Variants in RAF1 observed in about 807,000 individuals in gnomAD.
RAF1 encodes the protein RAF proto-oncogene serine/threonine-protein kinase.
In RAF1, 27 loss-of-function variants were observed where a neutral mutation model predicts 81.1. The ratio of observed to expected loss-of-function variants is 0.33; its 90% confidence interval spans 0.25 to 0.46. The LOEUF (loss-of-function observed/expected upper bound fraction) is 0.46. Ranked by LOEUF, RAF1 falls within the 20% of genes least tolerant of loss-of-function variation. The pLI is 1.00. For synonymous variants in RAF1, 298 were observed against 294.0 expected (o/e 1.01, Z -0.14); for missense variants, 598 against 826.0 (o/e 0.72, Z 3.38).
chr3:12,646,468 G>T (rs1264825346), intron 1 of RAF1, among the ~76,000 whole-genome samples: 1 of 152,098 alleles, frequency 6.6e-6, no homozygotes, highest in African/African-American at 2.4e-5. Context: ...TCTGCCTCCA[G>T]GTTCAAGTAA....
Position 12,585,104 on chromosome 3 carries a change from G to A in RAF1, c.1728+18C>T, listed in dbSNP as rs755924543. The A allele has an allele frequency of 9.9e-6, 16 of 1,614,048 alleles. No individual in the cohort carries two copies. Among genetic ancestry groups the A allele is most frequent in the East Asian group, 2.2e-5 (1 of 44,888 alleles). ...GGGCTCCCACGAGTTGGGTCCTTTC[G>A]CACCAGCACAGACTTACCTGATCTC... On this transcript the variant is annotated intron_variant, in intron 16 of 17. Coordinates refer to ENST00000442415, the MANE Select transcript of RAF1 (RefSeq NM_001354689.3).
chr3:12,587,844 T>A, intron 13 of RAF1: 2 of 452,872 alleles, frequency 4.4e-6, no homozygotes, highest in Non-Finnish European at 3.9e-6. Context: ...CACCTTTTTT[T>A]TTTTTTTTTT....
At chr3:12,634,822 G>A (rs1038993592) in intron 1 of RAF1, among the ~76,000 whole-genome samples, 1 of 152,104 alleles carries the variant, frequency 6.6e-6, no homozygotes, top group African/African-American at 2.4e-5. Context: ...GAGGTGAATG[G>A]TAAAACCTGT....
At chr3:12,605,735 ATATT>A (rs1445343314) in intron 6 of RAF1, among the ~76,000 whole-genome samples, 5 of 152,234 alleles carry the variant, frequency 3.3e-5, no homozygotes, top group Admixed American at 6.5e-5. Context: ...ATGAGAAACA[ATATT>A]TATGCTGAAA....
chr3:12,628,594 C>A (rs1328371156), intron 1 of RAF1, among the ~76,000 whole-genome samples: 1 of 152,032 alleles, frequency 6.6e-6, no homozygotes, highest in African/African-American at 2.4e-5. Context: ...AGAAAAAAAT[C>A]TCAGTATATT....
chr3:12,631,511 A>G (rs985425240), intron 1 of RAF1, among the ~76,000 whole-genome samples: 5 of 152,196 alleles, frequency 3.3e-5, no homozygotes, highest in Non-Finnish European at 7.3e-5. Flanking sequence ...AAGCAGGAGA[A>G]TGGCATGAAC....
At chr3:12,592,731 C>CTTTTTTT (rs35189562) in intron 11 of RAF1, among the ~76,000 whole-genome samples, 13 of 107,224 alleles carry the variant, frequency 1.2e-4, no homozygotes, top group African/African-American at 2.6e-4. Context: ...TTAAAAGCCA[C>CTTTTTTT]TTTTTTTTTT....
intron 1 of RAF1, among the ~76,000 whole-genome samples, chr3:12,620,792 G>A (rs1053726521): frequency 1.3e-5 from 2 of 152,072 alleles, no homozygotes; most frequent in Admixed American, 6.6e-5. Flanking sequence ...TTTGGACACA[G>A]AAGTCATGCT....
At chr3:12,589,464 C>G (rs1334857905) in intron 13 of RAF1, 1 of 152,186 alleles carries the variant, frequency 6.6e-6, no homozygotes, top group East Asian at 1.9e-4. Flanking sequence ...TCCCAGATGT[C>G]TAGGGGTACG....
At chr3:12,658,108 T>C (rs900458114) in intron 1 of RAF1, among the ~76,000 whole-genome samples, 1 of 152,186 alleles carries the variant, frequency 6.6e-6, no homozygotes, top group Non-Finnish European at 1.5e-5. Context: ...TTCCATCACA[T>C]AGTAGTGCTT....
In RAF1 at chr3:12,618,660, A is replaced by G. The variant is rs1306287046; in HGVS notation, c.62T>C (p.Val21Ala). 6.2e-7 allele frequency: 1 copy of G among 1,614,218 alleles called. No individual in the cohort carries two copies. The highest frequency in any genetic ancestry group is 8.5e-7 in the Non-Finnish European group (1 of 1,180,046). ...AGAGATGCAGCTGGAGCCATCAAAC[A>G]CGGCATCTTTGAATCCAAAACCATT... The change falls in exon 2 of 18, where the codon GTG (valine) becomes GCG (alanine). Residue 21 changes from valine to alanine, a missense_variant. Val to Ala is a moderately conservative substitution (Grantham distance 64, BLOSUM62 0). This residue lies in a region of RAF1 where 83 missense variants were observed against 72.3 expected (regional missense o/e 1.15). Coordinates refer to ENST00000442415, the MANE Select transcript of RAF1 (RefSeq NM_001354689.3).
chr3:12,612,648 T>TG (rs1454335764), intron 2 of RAF1, among the ~76,000 whole-genome samples: 4 of 92,984 alleles, frequency 4.3e-5, no homozygotes, highest in African/African-American at 5.6e-5. Flanking sequence ...AGACTCCGTC[T>TG]CAAAAAAAAA....
intron 1 of RAF1, among the ~76,000 whole-genome samples, chr3:12,649,765 C>T (rs766732966): frequency 2.0e-5 from 3 of 152,048 alleles, no homozygotes; most frequent in African/African-American, 7.2e-5. Context: ...TTTGGGAGGC[C>T]GAGGTGGGAG....
chr3:12,614,438 T>TA (rs2059311487), intron 2 of RAF1, among the ~76,000 whole-genome samples: 1 of 152,100 alleles, frequency 6.6e-6, no homozygotes, highest in Admixed American at 6.5e-5. Flanking sequence ...GTAAAATCTA[T>TA]ATTATATATA....
rs1447597077 is a variant in RAF1 at position 12,588,610 on chromosome 3, C to A, written c.1431-973G>T. 4 of 152,130 alleles carry A rather than the reference C, an allele frequency of 2.6e-5. No individual in the cohort carries two copies. The East Asian group carries it at 7.7e-4, about 29-fold the overall frequency. 9.4% of individuals were successfully genotyped at this position (152,130 alleles called of 1,614,324 possible). A position where few individuals can be genotyped will look rare whatever the true frequency, so the allele number is the denominator to read the frequency against. On this transcript the variant is annotated intron_variant, in intron 13 of 17. Coordinates refer to ENST00000442415, the MANE Select transcript of RAF1 (RefSeq NM_001354689.3). ...AATACAGTATTATAATCTTGTGGGA[C>A]CACCTTCCTATATGTGGTCATTGAC...
intron 1 of RAF1, among the ~76,000 whole-genome samples, chr3:12,653,616 G>A (rs1466616363): frequency 6.6e-6 from 1 of 151,832 alleles, no homozygotes; most frequent in Non-Finnish European, 1.5e-5. Context: ...GTGGTAGCGA[G>A]TGCCTGCAAT....
chr3:12,625,055 A>G (rs1435647918), intron 1 of RAF1, among the ~76,000 whole-genome samples: 3 of 152,186 alleles, frequency 2.0e-5, no homozygotes, highest in African/African-American at 7.2e-5. Flanking sequence ...TATAAAAACT[A>G]TTTTTTATCA....
intron 1 of RAF1, among the ~76,000 whole-genome samples, chr3:12,620,106 T>C (rs1337447779): frequency 1.3e-5 from 2 of 152,114 alleles, no homozygotes; most frequent in East Asian, 1.9e-4. Context: ...TAATAAATTA[T>C]CTCATTTAAT....
At chr3:12,657,344 A>G (rs2060728174) in intron 1 of RAF1, among the ~76,000 whole-genome samples, 1 of 152,236 alleles carries the variant, frequency 6.6e-6, no homozygotes, top group Non-Finnish European at 1.5e-5. Flanking sequence ...CCTCTGTGAA[A>G]GGAAGCTGGG....
Sources: allele counts gnomAD v4.1 joint callset (sites outside exome capture counted in the v4.1 genomes callset), GRCh38; gene constraint gnomAD v4.1.1; regional missense constraint gnomAD v4.1.1; transcripts MANE v1.5; gene names NCBI Gene and HGNC (gene_info 2026-07-23, HGNC 2026-07-21).